INTS7: variants seen among roughly 807,000 people sequenced by gnomAD.
INTS7 encodes integrator complex subunit 7, also known as chromosome 1 open reading frame 73.
INTS7 carries 46 observed loss-of-function variants against 109.2 expected under a neutral mutation model. That is an observed-to-expected ratio of 0.42 (90% CI 0.33 to 0.54). INTS7 has a LOEUF of 0.54. INTS7 is among the 20% of genes least tolerant of loss of function. The pLI, the probability that INTS7 is intolerant of heterozygous loss-of-function variation, is 0.07. For synonymous variants in INTS7, 412 were observed against 402.9 expected (o/e 1.02, Z -0.27); for missense variants, 929 against 1,132.4 (o/e 0.82, Z 2.58).
rs890056263 is a variant in INTS7, at chr1:212,021,100, A to T, written c.207T>A (p.Ala69=). ...AGACTTACCCAACTCTGAAAACATC[A>T]GCTAACTTTAGGAATGCAGAATTGA... ...ILINSAFLKL[A]DVFRVGNNFL... The change falls in exon 2 of 20, where the codon GCT becomes GCA. Residue 69 remains alanine (A), a synonymous_variant. Coordinates refer to ENST00000366994, the MANE Select transcript of INTS7 (RefSeq NM_015434.4). The T allele has an allele frequency of 2.5e-6, 4 of 1,605,246 alleles. No homozygotes were observed. The highest frequency in any genetic ancestry group is 1.3e-5 in the African/African-American group (1 of 74,354).
In INTS7 at chr1:211,969,210, G is replaced by A. The variant is rs192071043; in HGVS notation, c.1816-503C>T. Among the ~76,000 whole-genome samples, 6 of 151,534 alleles carry A rather than the reference G, an allele frequency of 4.0e-5. No homozygotes were observed. The East Asian group carries it at 5.8e-4, about 15-fold the overall frequency. On this transcript the variant is annotated intron_variant, in intron 13 of 19. Transcript: ENST00000366994. Reference sequence around the variant, plus strand: ...TGAGGCAGGAGAATGGCGTGAACCCGGGAGGCGGAGTCTGCTGTGAGCCGA... The same window carrying A: ...TGAGGCAGGAGAATGGCGTGAACCCAGGAGGCGGAGTCTGCTGTGAGCCGA...
intron 1 of INTS7, among the ~76,000 whole-genome samples, chr1:212,031,101 C>T (rs80177783): frequency 0.026 from 3,983 of 152,342 alleles, 59 homozygotes; most frequent in African/African-American, 0.046. Context: ...TTCCTCCCTT[C>T]CCATTGCATC....
At chr1:211,953,669 C>A (rs546364026) in intron 16 of INTS7, among the ~76,000 whole-genome samples, 3 of 149,302 alleles carry the variant, frequency 2.0e-5, no homozygotes, top group South Asian at 4.3e-4. Flanking sequence ...TTTGTCCTTG[C>A]GATAGTTTGC....
At chr1:211,952,545 C>T (rs1663146860) in intron 17 of INTS7, 24 bp downstream of exon 17, 2 of 1,606,924 alleles carry the variant, frequency 1.2e-6, no homozygotes, top group South Asian at 1.1e-5. Context: ...ACAATAAAAG[C>T]TCAATAAAAC....
intron 1 of INTS7, among the ~76,000 whole-genome samples, chr1:212,033,063 G>A (rs6540716): frequency 0.015 from 2,255 of 152,244 alleles, 58 homozygotes; most frequent in African/African-American, 0.05. Flanking sequence ...AAGCTCTATA[G>A]GGGCAGGAGT....
intron 13 of INTS7, among the ~76,000 whole-genome samples, chr1:211,969,530 ATTTCTT>A (rs1359447992): frequency 1.1e-4 from 15 of 140,854 alleles, no homozygotes; most frequent in African/African-American, 2.9e-4. Context: ...GCTAGCCCAA[ATTTCTT>A]TTTCTTTTTC....
intron 13 of INTS7, among the ~76,000 whole-genome samples, chr1:211,971,331 T>A (rs759231786): frequency 6.6e-6 from 1 of 152,178 alleles, no homozygotes; most frequent in East Asian, 1.9e-4. Flanking sequence ...TCAAAAGATA[T>A]GTACAAGAAT....
intron 12 of INTS7, among the ~76,000 whole-genome samples, chr1:211,975,957 GTT>G (rs5780669): frequency 0.02 from 3,051 of 150,646 alleles, 31 homozygotes; most frequent in African/African-American, 0.026. Context: ...TATCCCCAAG[GTT>G]TTTTTTTTTA....
At chr1:211,956,458 A>T (rs531043056) in intron 16 of INTS7, among the ~76,000 whole-genome samples, 8 of 152,246 alleles carry the variant, frequency 5.3e-5, no homozygotes, top group East Asian at 3.9e-4. Flanking sequence ...TGAACTTTTT[A>T]AAAAAATTTT....
At chr1:211,975,416 C>A in intron 12 of INTS7, 44 bp from the exon 13 acceptor site, 2 of 1,437,898 alleles carry the variant, frequency 1.4e-6, no homozygotes, top group Non-Finnish European at 1.9e-6. Flanking sequence ...AAGGAGCACA[C>A]GGTGAGGTTC....
chr1:212,019,985 G>T, intron 3 of INTS7, 137 bp downstream of exon 3: 1 of 548,268 alleles, frequency 1.8e-6, no homozygotes, highest in Non-Finnish European at 3.0e-6. Context: ...AGTTATCACA[G>T]TTTTGCCTTG....
intron 11 of INTS7, among the ~76,000 whole-genome samples, chr1:211,977,979 A>G (rs2102422709): frequency 6.6e-6 from 1 of 152,370 alleles, no homozygotes; most frequent in South Asian, 2.1e-4. Context: ...GCAATAAAAA[A>G]AAACATGAGA....
rs1451576623 is a variant in INTS7, at chr1:211,978,579, C to G, written c.1231-68G>C. 5 of 1,573,362 alleles carry G rather than the reference C, an allele frequency of 3.2e-6. No homozygotes were observed. In the East Asian group the frequency reaches 1.1e-4, roughly 35 times the overall value. On this transcript the variant is annotated intron_variant, in intron 10 of 19. Coordinates refer to ENST00000366994, the MANE Select transcript of INTS7 (RefSeq NM_015434.4). ...ACAGATGAAGCTTTAAGGAAAAGAG[C>G]TTTGTACAGGTTACTGGGGAAACTC...
At position 211,952,715 on chromosome 1, in the gene INTS7, C is replaced by G. The variant is rs1663157374; in HGVS notation, c.2184-14G>C. 1 of 1,607,448 alleles carries G rather than the reference C, an allele frequency of 6.2e-7. No individual in the cohort carries two copies. The highest frequency in any genetic ancestry group is 8.5e-7 in the Non-Finnish European group (1 of 1,175,620). On this transcript the variant is annotated splice_polypyrimidine_tract_variant and intron_variant, in intron 16 of 19. Coordinates refer to ENST00000366994, the MANE Select transcript of INTS7 (RefSeq NM_015434.4). ...TATTCCTGGAAACTGAAGTAAAGGT[C>G]AATATTCATTAATCCATCAAAATAG... is the stretch of plus-strand genomic sequence containing the variant.
chr1:211,964,545 C>T (rs1663784032), intron 16 of INTS7, among the ~76,000 whole-genome samples: 1 of 152,148 alleles, frequency 6.6e-6, no homozygotes, highest in African/African-American at 2.4e-5. Flanking sequence ...AAGCTGGAGG[C>T]ATCAGGCTAC....
chr1:211,980,838 C>G lies in INTS7; in HGVS notation c.1230+255G>C, dbSNP rs191676684. Among the ~76,000 whole-genome samples, 16 of 152,314 alleles carry G rather than the reference C, an allele frequency of 1.1e-4. No homozygotes were observed. In the East Asian group the frequency reaches 2.5e-3, roughly 24 times the overall value. On this transcript the variant is annotated intron_variant, in intron 10 of 19. Coordinates refer to ENST00000366994, the MANE Select transcript of INTS7 (RefSeq NM_015434.4). Reference sequence around the variant, plus strand: ...AAATATTCTTCCCTTGGCTTATAAACTAGGGCTTATACCACTGGGAAATTA... The same window carrying G: ...AAATATTCTTCCCTTGGCTTATAAAGTAGGGCTTATACCACTGGGAAATTA...
At chr1:211,954,273 T>G (rs557463871) in intron 16 of INTS7, among the ~76,000 whole-genome samples, 1 of 152,154 alleles carries the variant, frequency 6.6e-6, no homozygotes, top group South Asian at 2.1e-4. Flanking sequence ...TTTGTTGGAG[T>G]TCATTGTAGA....
chr1:211,984,179 A>T (rs1321433043), intron 8 of INTS7, among the ~76,000 whole-genome samples: 1 of 152,182 alleles, frequency 6.6e-6, no homozygotes, highest in East Asian at 1.9e-4. Flanking sequence ...TAGGCAAAAC[A>T]TTAGAAAGAT....
At chr1:212,005,365 G>C (rs1028469713) in intron 7 of INTS7, among the ~76,000 whole-genome samples, 1 of 152,182 alleles carries the variant, frequency 6.6e-6, no homozygotes, top group Non-Finnish European at 1.5e-5. Context: ...AACCAGGAAG[G>C]ACCACGCAAG....
Sources: allele counts gnomAD v4.1 joint callset (sites outside exome capture counted in the v4.1 genomes callset), GRCh38; gene constraint gnomAD v4.1.1; transcripts MANE v1.5; gene names NCBI Gene and HGNC (gene_info 2026-07-23, HGNC 2026-07-21).